The following DPY19L2 variants were observed in gnomAD, a reference collection of about 807,000 sequenced individuals.
The protein encoded by DPY19L2 is probable C-mannosyltransferase DPY19L2.
A neutral mutation model predicts 97.9 loss-of-function variants in DPY19L2; 34 were observed. The ratio of observed to expected loss-of-function variants is 0.35; its 90% CI spans 0.26 to 0.46. The LOEUF (loss-of-function observed/expected upper bound fraction) is 0.46. Among genes scored for constraint, DPY19L2 ranks in the 20% least tolerant of loss-of-function variants. DPY19L2 has a pLI of 1.00. For missense variants in DPY19L2, 623 were observed against 911.4 expected, an observed-to-expected ratio of 0.68 and a Z score of 4.07; for synonymous variants, 230 against 307.9, an observed-to-expected ratio of 0.75 and a Z score of 2.65.
At chr12:63,588,391 G>A (rs1882180668) in intron 16 of DPY19L2, among the ~76,000 whole-genome samples, 1 of 152,150 alleles carries the variant, frequency 6.6e-6, no homozygotes, top group African/African-American at 2.4e-5. Context: ...GTCACAGCAT[G>A]ATTTACTGAA....
chr12:63,636,448 G>A (rs1342063706), intron 6 of DPY19L2, among the ~76,000 whole-genome samples: 1 of 152,046 alleles, frequency 6.6e-6, no homozygotes, highest in Non-Finnish European at 1.5e-5. Flanking sequence ...AAATGTAAAT[G>A]GGCTAAATGC....
At position 63,560,347 on chromosome 12, in the gene DPY19L2, AAAAGT is replaced by A. The variant is rs1173430935; in HGVS notation, c.*160_*164del. ...AATAAGGCTGACATTCAATGAACAG[AAAAGT>A]AATTTACCTTTTAGTAATCAGAAAA... On this transcript the variant is annotated 3_prime_UTR_variant, in exon 22 of 22. Coordinates refer to ENST00000324472, the MANE Select transcript of DPY19L2 (RefSeq NM_173812.5). 2.5e-6 allele frequency: 2 copies of A among 807,612 alleles called. No homozygotes were observed. Among genetic ancestry groups the A allele is most frequent in the Non-Finnish European group, 3.6e-6 (2 of 550,630 alleles). The allele number at this position is 807,612 out of a possible 1,614,324, so 50.0% of individuals were successfully genotyped here.
At chr12:63,635,587 C>T (rs1016072757) in intron 6 of DPY19L2, among the ~76,000 whole-genome samples, 2 of 151,986 alleles carry the variant, frequency 1.3e-5, no homozygotes, top group Non-Finnish European at 2.9e-5. Flanking sequence ...TAGAGAAGAC[C>T]TTAAATGACC....
intron 12 of DPY19L2, among the ~76,000 whole-genome samples, chr12:63,602,605 T>C (rs1236256625): frequency 6.6e-6 from 1 of 152,092 alleles, no homozygotes; most frequent in Non-Finnish European, 1.5e-5. Flanking sequence ...CAAGGCATCT[T>C]TCAGTAGAAC....
chr12:63,654,380 T>A (rs11175101), intron 4 of DPY19L2, among the ~76,000 whole-genome samples: 3,866 of 152,132 alleles, frequency 0.025, 182 homozygotes, highest in African/African-American at 0.087. Flanking sequence ...AATGTTCAAA[T>A]AAAATGTTCT....
chr12:63,631,004 G>A (rs1031385388), intron 6 of DPY19L2, among the ~76,000 whole-genome samples: 10 of 152,076 alleles, frequency 6.6e-5, no homozygotes, highest in Non-Finnish European at 1.2e-4. Context: ...GAATAAAGAT[G>A]TTCTTTGAAA....
At chr12:63,634,070 C>T (rs558458995) in intron 6 of DPY19L2, among the ~76,000 whole-genome samples, 2 of 135,066 alleles carry the variant, frequency 1.5e-5, no homozygotes, top group Admixed American at 7.5e-5. Context: ...TTGTAGGGTG[C>T]GGGGAAGGGG....
intron 6 of DPY19L2, among the ~76,000 whole-genome samples, chr12:63,644,005 T>A (rs1893054265): frequency 6.6e-6 from 1 of 152,182 alleles, no homozygotes; most frequent in African/African-American, 2.4e-5. Flanking sequence ...CTAGCAGATG[T>A]AAGTGCCTGC....
At chr12:63,582,322 G>T in intron 18 of DPY19L2, 84 bp downstream of exon 18, 1 of 1,404,798 alleles carries the variant, frequency 7.1e-7, no homozygotes, top group Non-Finnish European at 9.5e-7. Flanking sequence ...TTTATATTTT[G>T]AATTAGTCAG....
intron 6 of DPY19L2, among the ~76,000 whole-genome samples, chr12:63,639,950 C>T (rs903934218): frequency 6.6e-5 from 10 of 152,102 alleles, no homozygotes; most frequent in Non-Finnish European, 1.2e-4. Context: ...TGGAACCAAC[C>T]CAAATGTCCA....
chr12:63,576,419 A>G (rs1318277277), intron 19 of DPY19L2, among the ~76,000 whole-genome samples: 1 of 151,994 alleles, frequency 6.6e-6, no homozygotes, highest in East Asian at 1.9e-4. Flanking sequence ...ACATTATTCA[A>G]CATAGTACTG....
intron 12 of DPY19L2, among the ~76,000 whole-genome samples, chr12:63,600,675 A>G (rs1002190821): frequency 4.6e-5 from 7 of 151,304 alleles, no homozygotes; most frequent in Non-Finnish European, 8.8e-5. Context: ...GAAAGAAGGA[A>G]AAAGAAAACA....
At chr12:63,594,253 G>C (rs1334889091) in intron 15 of DPY19L2, 120 bp from the exon 16 acceptor site, 2 of 730,838 alleles carry the variant, frequency 2.7e-6, no homozygotes, top group African/African-American at 1.9e-5. Flanking sequence ...GTTTAAGGGA[G>C]TCCTCAGGAA....
Position 63,569,308 on chromosome 12 carries a change from G to T in DPY19L2, c.2042C>A (p.Ser681Tyr). 1 of 1,598,458 alleles carries T rather than the reference G, an allele frequency of 6.3e-7. No individual in the cohort carries two copies. The highest frequency in any genetic ancestry group is 8.5e-7 in the Non-Finnish European group (1 of 1,173,826). Residue 681 changes from serine to tyrosine, a missense_variant, in exon 21 of 22, where the codon TCT (serine) becomes TAT (tyrosine). Physicochemically the swap from Ser to Tyr is moderately radical, Grantham distance 144 (BLOSUM62 -2). Coordinates refer to ENST00000324472, the MANE Select transcript of DPY19L2 (RefSeq NM_173812.5). ...KIVYSTYSRK[S>Y]AKEVRDKLLE... ...CAATTTATCTCTTACTTCTTTGGCA[G>T]ATTTTCGACTATATGTAGAATAAAC...
In DPY19L2 at chr12:63,668,081, A is replaced by G; in HGVS notation, c.313T>C (p.Ser105Pro). The change falls in exon 1 of 22, where the codon TCC (serine) becomes CCC (proline). Residue 105 changes from serine (S) to proline (P), a missense_variant. Transcript: ENST00000324472. ...KVQELQARRF[S>P]SRTTLGIAVF... ...CCGATGCCGAGAGTGGTTCTGCTGG[A>G]GAACCGCCGCGCCTGCAGTTCCTGC... is the stretch of plus-strand genomic sequence containing the variant. The G allele has an allele frequency of 6.2e-7, 1 of 1,613,964 alleles. No individual in the cohort carries two copies. Among genetic ancestry groups the G allele is most frequent in the African/African-American group, 1.3e-5 (1 of 75,028 alleles).
chr12:63,582,871 T>C (rs1458649831), intron 17 of DPY19L2, among the ~76,000 whole-genome samples: 1 of 151,952 alleles, frequency 6.6e-6, no homozygotes, highest in East Asian at 1.9e-4. Flanking sequence ...GCAGAGGAGC[T>C]AGGGAGAGCA....
At chr12:63,624,643 A>G (rs1208656821) in intron 7 of DPY19L2, among the ~76,000 whole-genome samples, 2 of 152,182 alleles carry the variant, frequency 1.3e-5, no homozygotes, top group Non-Finnish European at 2.9e-5. Context: ...GTACCGTAAA[A>G]AAAGGTTAAG....
rs552030278 is a variant in DPY19L2, at chr12:63,661,489, T to TA, written c.451-9dup. 38 of 1,539,122 alleles carry TA rather than the reference T, an allele frequency of 2.5e-5. 1 individual carries two copies. In the African/African-American group the frequency reaches 3.0e-4, roughly 12 times the overall value. Reference sequence around the variant, plus strand: ...GTATGAATAATAAAGTCCCTTTTTTTAAAAAAAGACATATATTGTCAATGT... The same window carrying TA: ...GTATGAATAATAAAGTCCCTTTTTTTAAAAAAAAGACATATATTGTCAATGT... On this transcript the variant is annotated splice_polypyrimidine_tract_variant and intron_variant, in intron 3 of 21. Coordinates refer to ENST00000324472, the MANE Select transcript of DPY19L2 (RefSeq NM_173812.5).
rs540154784 is a variant in DPY19L2 at position 63,633,326 on chromosome 12, C to T, written c.804-6800G>A. Among the ~76,000 whole-genome samples, 413 of 152,116 alleles carry T rather than the reference C, an allele frequency of 2.7e-3. 4 individuals carry two copies. The highest frequency in any genetic ancestry group is 0.017 in the Middle Eastern group (5 of 294). ...TGCAATCTACTCATCTGACAAAGGG[C>T]TAATATCCAGAATCTACAATGAACT... On this transcript the variant is annotated intron_variant, in intron 6 of 21. Coordinates refer to ENST00000324472, the MANE Select transcript of DPY19L2 (RefSeq NM_173812.5).
Sources: allele counts gnomAD v4.1 joint callset (sites outside exome capture counted in the v4.1 genomes callset), GRCh38; gene constraint gnomAD v4.1.1; transcripts MANE v1.5; gene names NCBI Gene and HGNC (gene_info 2026-07-23, HGNC 2026-07-21).